POU6F2: variants seen among roughly 807,000 people sequenced by gnomAD.
POU6F2 encodes the protein POU domain, class 6, transcription factor 2.
A neutral mutation model predicts 71.3 loss-of-function variants in POU6F2; 31 were observed. The ratio of observed to expected loss-of-function variants is 0.43; its 90% CI spans 0.33 to 0.59. The LOEUF is 0.59. Among genes scored for constraint, POU6F2 ranks in the 20% least tolerant of loss-of-function variants. POU6F2 has a pLI of 0.04. For missense variants in POU6F2, 783 were observed against 856.8 expected, an observed-to-expected ratio of 0.91 and a Z score of 1.07; for synonymous variants, 347 against 355.7, an observed-to-expected ratio of 0.98 and a Z score of 0.27.
At chr7:39,230,197 A>G (rs941542650) in intron 4 of POU6F2, among the ~76,000 whole-genome samples, 5 of 152,156 alleles carry the variant, frequency 3.3e-5, no homozygotes, top group Non-Finnish European at 5.9e-5. Flanking sequence ...AGTTCAAGGT[A>G]GGCCAGGCAT....
At chr7:39,212,364 T>G (rs990207281) in intron 4 of POU6F2, among the ~76,000 whole-genome samples, 3 of 152,112 alleles carry the variant, frequency 2.0e-5, no homozygotes, top group Admixed American at 1.3e-4. Flanking sequence ...GAGATGCCAA[T>G]GGTGAGGTTT....
intron 2 of POU6F2, among the ~76,000 whole-genome samples, chr7:39,142,339 T>C (rs982758078): frequency 6.6e-6 from 1 of 152,214 alleles, no homozygotes; most frequent in Non-Finnish European, 1.5e-5. Flanking sequence ...GAAAAGAATG[T>C]TCATGTGATT....
At chr7:39,000,602 T>C (rs1025243355) in intron 1 of POU6F2, among the ~76,000 whole-genome samples, 6 of 151,964 alleles carry the variant, frequency 3.9e-5, no homozygotes, top group African/African-American at 1.2e-4. Context: ...ATCTCTCATA[T>C]GCATTCATAG....
At chr7:39,253,603 A>G (rs1422424863) in intron 4 of POU6F2, among the ~76,000 whole-genome samples, 2 of 152,190 alleles carry the variant, frequency 1.3e-5, no homozygotes, top group Non-Finnish European at 2.9e-5. Flanking sequence ...ACTGCTGCCC[A>G]TCGCCTAAAT....
intron 2 of POU6F2, among the ~76,000 whole-genome samples, chr7:39,196,515 T>C (rs757529142): frequency 1.3e-5 from 2 of 152,204 alleles, no homozygotes; most frequent in Non-Finnish European, 2.9e-5. Flanking sequence ...CCCAGCACTT[T>C]TGAGAGTCTG....
chr7:39,298,021 T>C (rs1167501443), intron 4 of POU6F2, among the ~76,000 whole-genome samples: 1 of 152,144 alleles, frequency 6.6e-6, no homozygotes, highest in African/African-American at 2.4e-5. Flanking sequence ...GATTAAATAC[T>C]TAAATCCAAA....
At chr7:39,028,649 A>C (rs1336988378) in intron 1 of POU6F2, among the ~76,000 whole-genome samples, 1 of 152,066 alleles carries the variant, frequency 6.6e-6, no homozygotes, top group Non-Finnish European at 1.5e-5. Context: ...GTATGCTATT[A>C]AGCGTTCTAA....
At chr7:39,091,542 T>C (rs898794525) in intron 2 of POU6F2, among the ~76,000 whole-genome samples, 2 of 152,228 alleles carry the variant, frequency 1.3e-5, no homozygotes, top group Non-Finnish European at 2.9e-5. Flanking sequence ...GAGATTAATC[T>C]GTACATCATC....
chr7:39,380,901 G>A (rs1786814310), intron 5 of POU6F2, among the ~76,000 whole-genome samples: 1 of 152,100 alleles, frequency 6.6e-6, no homozygotes, highest in Non-Finnish European at 1.5e-5. Flanking sequence ...TCTCCAGTGG[G>A]CCCAGGTAGA....
chr7:39,101,423 A>G (rs1791569093), intron 2 of POU6F2, among the ~76,000 whole-genome samples: 2 of 151,358 alleles, frequency 1.3e-5, no homozygotes, highest in African/African-American at 4.9e-5. Context: ...CACTTAAGAG[A>G]AGAATTGCTT....
intron 2 of POU6F2, among the ~76,000 whole-genome samples, chr7:39,143,311 G>A (rs1341258406): frequency 2.6e-5 from 4 of 152,094 alleles, no homozygotes; most frequent in Admixed American, 2.6e-4. Context: ...GCAAGAAACC[G>A]AGTTCCGTAT....
intron 4 of POU6F2, among the ~76,000 whole-genome samples, chr7:39,299,948 G>T (rs1314463436): frequency 6.6e-6 from 1 of 152,184 alleles, no homozygotes; most frequent in African/African-American, 2.4e-5. Flanking sequence ...CAGCCAGGAG[G>T]CAGAGACTCC....
At chr7:39,183,345 GACTACA>G (rs1554329253) in intron 2 of POU6F2, among the ~76,000 whole-genome samples, 5 of 152,138 alleles carry the variant, frequency 3.3e-5, no homozygotes, top group Non-Finnish European at 7.4e-5. Flanking sequence ...CAGTTCCACA[GACTACA>G]AAGGAAGCAT....
intron 2 of POU6F2, among the ~76,000 whole-genome samples, chr7:39,127,789 A>G (rs1792170148): frequency 2.0e-5 from 3 of 151,438 alleles, no homozygotes; most frequent in Admixed American, 6.6e-5. Context: ...CCTGTAGGCC[A>G]TGATTAGGAT....
At chr7:39,336,074 C>A (rs1785770039) in intron 4 of POU6F2, among the ~76,000 whole-genome samples, 1 of 152,188 alleles carries the variant, frequency 6.6e-6, no homozygotes, top group Non-Finnish European at 1.5e-5. Context: ...TAACTTGGTC[C>A]CCAGTGTGTG....
chr7:39,174,248 T>C (rs958808510), intron 2 of POU6F2, among the ~76,000 whole-genome samples: 7 of 152,314 alleles, frequency 4.6e-5, no homozygotes, highest in South Asian at 2.1e-4. Flanking sequence ...CAAATGCTCT[T>C]GCTGACCAAC....
chr7:39,067,171 A>T (rs1269996389), intron 1 of POU6F2, among the ~76,000 whole-genome samples: 1 of 115,616 alleles, frequency 8.6e-6, no homozygotes, highest in Non-Finnish European at 1.8e-5. Context: ...TACTTTGACT[A>T]AAAAAAAAAA....
chr7:39,188,972 AT>A (rs1793601993), intron 2 of POU6F2, among the ~76,000 whole-genome samples: 1 of 152,224 alleles, frequency 6.6e-6, no homozygotes, highest in Non-Finnish European at 1.5e-5. Context: ...CTGTACAAAA[AT>A]TGTATAATTA....
chr7:39,451,652 C>T lies in POU6F2; in HGVS notation c.1440C>T (p.Ser480=). 1 of 1,611,100 alleles carries T rather than the reference C, an allele frequency of 6.2e-7. No individual in the cohort carries two copies. Among genetic ancestry groups the T allele is most frequent in the South Asian group, 1.1e-5 (1 of 90,148 alleles). ...QSPVRQASSS[S]SSSSSSSALS... is the part of the protein sequence containing the mutation. The stretch of plus-strand genomic sequence containing the variant: ...CCGTCCGGCAGGCTTCCTCTTCTTC[C>T]TCCTCATCCTCCTCTTCTTCAGCTT... Residue 480 remains serine, a synonymous_variant, in exon 8 of 10, where the codon TCC becomes TCT. Coordinates refer to ENST00000518318, the MANE Select transcript of POU6F2 (RefSeq NM_001370959.1).
Sources: allele counts gnomAD v4.1 joint callset (sites outside exome capture counted in the v4.1 genomes callset), GRCh38; gene constraint gnomAD v4.1.1; transcripts MANE v1.5; gene names NCBI Gene and HGNC (gene_info 2026-07-23, HGNC 2026-07-21).